The following SFMBT2 variants were observed in gnomAD, a reference collection of about 807,000 sequenced individuals.
SFMBT2 encodes the protein scm-like with four MBT domains protein 2.
SFMBT2 carries 38 observed loss-of-function variants against 110.1 expected under a neutral mutation model. That is an observed-to-expected ratio of 0.35 (90% CI 0.27 to 0.45). The LOEUF is 0.45. SFMBT2 is among the 20% of genes least tolerant of loss of function. The probability of loss-of-function intolerance (pLI) is 1.00; values close to 1 mark genes in which losing one functional copy is unlikely to be tolerated. For missense variants in SFMBT2, 1,011 were observed against 1,094.9 expected (o/e 0.92, Z 1.08); for synonymous variants, 425 against 425.4 (o/e 1.00, Z 0.01).
At chr10:7,406,202 G>C (rs1846205110) in intron 1 of SFMBT2, among the ~76,000 whole-genome samples, 1 of 151,836 alleles carries the variant, frequency 6.6e-6, no homozygotes, top group Admixed American at 6.6e-5. Context: ...TACTAGAACT[G>C]TAGGTCATTC....
At chr10:7,272,093 G>A (rs188566364) in intron 7 of SFMBT2, among the ~76,000 whole-genome samples, 4 of 152,230 alleles carry the variant, frequency 2.6e-5, no homozygotes, top group African/African-American at 4.8e-5. Flanking sequence ...ACAGGGGAGC[G>A]AGTGAAAAAT....
intron 1 of SFMBT2, among the ~76,000 whole-genome samples, chr10:7,384,645 G>A (rs1045622079): frequency 1.3e-5 from 2 of 152,248 alleles, no homozygotes; most frequent in Non-Finnish European, 1.5e-5. Flanking sequence ...CAGCTGGAGG[G>A]GTTCTAAGAT....
At position 7,367,542 on chromosome 10, in the gene SFMBT2, T is replaced by G. The variant is rs984226182; in HGVS notation, c.436+107A>C. On this transcript the variant is annotated intron_variant, in intron 4 of 20. Coordinates refer to ENST00000397167, the MANE Select transcript of SFMBT2 (RefSeq NM_001387889.1). This position sits in a 1 kb window ranked among gnomAD's most constrained non-coding sequence, Gnocchi z 6.2. ...TGAAAGAACTGTGAGACCTTTGCAC[T>G]AAGACCATTAGGGATTCTACGCAAG... 6.7e-7 allele frequency: 1 copy of G among 1,495,410 alleles called. No homozygotes were observed. Among genetic ancestry groups the G allele is most frequent in the African/African-American group, 1.4e-5 (1 of 71,870 alleles). The allele number at this position is 1,495,410 out of a possible 1,614,324, so 92.6% of individuals were successfully genotyped here.
At chr10:7,262,225 G>GT (rs1269567662) in intron 7 of SFMBT2, among the ~76,000 whole-genome samples, 1 of 151,126 alleles carries the variant, frequency 6.6e-6, no homozygotes, top group Non-Finnish European at 1.5e-5. Context: ...AGGATTGGTG[G>GT]TTTTTTAATG....
In SFMBT2 at chr10:7,163,079, G is replaced by T; in HGVS notation, c.*691C>A. 6.4e-6 allele frequency: 1 copy of T among 156,540 alleles called. No individual in the cohort carries two copies. Among genetic ancestry groups the T allele is most frequent in the South Asian group, 2.0e-4 (1 of 5,068 alleles). 9.7% of individuals were successfully genotyped at this position (156,540 alleles called of 1,614,324 possible). A position where few individuals can be genotyped will look rare whatever the true frequency, so the allele number is the denominator to read the frequency against. On this transcript the variant is annotated 3_prime_UTR_variant, in exon 21 of 21. Transcript: ENST00000397167. This position sits in a 1 kb window ranked among gnomAD's most constrained non-coding sequence, Gnocchi z 4.8. ...GATTGCGCCACTGCATTACAACCTGGGCGACAGAGCAAGACCCTGTCTCAA... is the reference window on the plus strand; with the variant it reads ...GATTGCGCCACTGCATTACAACCTGTGCGACAGAGCAAGACCCTGTCTCAA...
chr10:7,288,454 C>T (rs962207253), intron 4 of SFMBT2, among the ~76,000 whole-genome samples: 15 of 152,152 alleles, frequency 9.9e-5, no homozygotes, highest in Admixed American at 5.9e-4. Context: ...AAATATTGTA[C>T]GCTCAGCACG....
At chr10:7,221,140 A>G (rs1839720310) in intron 10 of SFMBT2, among the ~76,000 whole-genome samples, 1 of 151,904 alleles carries the variant, frequency 6.6e-6, no homozygotes, top group Non-Finnish European at 1.5e-5. Context: ...CCTTCCTTCT[A>G]TGGGATCACT....
chr10:7,172,389 T>C lies in SFMBT2; in HGVS notation c.2151+106A>G, dbSNP rs1837907226. On this transcript the variant is annotated intron_variant, in intron 18 of 20. Coordinates refer to ENST00000397167, the MANE Select transcript of SFMBT2 (RefSeq NM_001387889.1). The surrounding 1 kb of genome is among the most constrained non-coding windows in gnomAD (Gnocchi z 4.6). ...GGCTCTTCTTCAGTGTTTCTGACCA[T>C]CTTGCCACAATCTCCAGGGCCACCT... is the stretch of plus-strand genomic sequence containing the variant. 2 of 1,568,106 alleles carry C rather than the reference T, an allele frequency of 1.3e-6. No individual in the cohort carries two copies. The highest frequency in any genetic ancestry group is 1.7e-6 in the Non-Finnish European group (2 of 1,159,194).
chr10:7,290,261 C>CAAAA (rs200965592), intron 4 of SFMBT2, among the ~76,000 whole-genome samples: 1 of 110,922 alleles, frequency 9.0e-6, no homozygotes, highest in African/African-American at 3.0e-5. Flanking sequence ...TCATAAGAAA[C>CAAAA]AAAAAAAAAA....
At chr10:7,263,828 T>TCCTTACC (rs1415213932) in intron 7 of SFMBT2, among the ~76,000 whole-genome samples, 1 of 152,184 alleles carries the variant, frequency 6.6e-6, no homozygotes, top group East Asian at 1.9e-4. Context: ...GCCCGCGTCT[T>TCCTTACC]CCTTACCCCT....
At chr10:7,373,170 G>A (rs751554957) in intron 2 of SFMBT2, among the ~76,000 whole-genome samples, 9 of 152,130 alleles carry the variant, frequency 5.9e-5, no homozygotes, top group Non-Finnish European at 1.2e-4. Context: ...TCTGGCTCTT[G>A]AAGGAATGGA....
At chr10:7,346,969 G>A (rs952777335) in intron 4 of SFMBT2, among the ~76,000 whole-genome samples, 4 of 151,544 alleles carry the variant, frequency 2.6e-5, no homozygotes, top group South Asian at 2.1e-4. Flanking sequence ...CAGCCTGGGC[G>A]ACAAAACCAG....
rs979098513 is a variant in SFMBT2 at position 7,197,484 on chromosome 10, T to G, written c.1698+64A>C. On this transcript the variant is annotated intron_variant, in intron 15 of 20. Transcript: ENST00000397167. ...AATGCCTATTCCCTCCTTCAGAAAC[T>G]GAGCCCACAGCTTTTTAAAAAATCC... The G allele has an allele frequency of 3.2e-6, 5 of 1,577,702 alleles. No individual in the cohort carries two copies. In the African/African-American group the frequency reaches 5.4e-5, roughly 17 times the overall value.
intron 4 of SFMBT2, among the ~76,000 whole-genome samples, chr10:7,322,717 G>A (rs1843234735): frequency 6.6e-6 from 1 of 152,062 alleles, no homozygotes; most frequent in South Asian, 2.1e-4. Context: ...ATGGACAAAG[G>A]AAACCCTCAT....
chr10:7,310,236 CCGACAAGGACA>C (rs1439394517), intron 4 of SFMBT2, among the ~76,000 whole-genome samples: 2 of 152,204 alleles, frequency 1.3e-5, no homozygotes, highest in African/African-American at 2.4e-5. Flanking sequence ...AAAGACCTCT[CCGACAAGGACA>C]CATCATGCTG....
At chr10:7,314,690 C>T (rs1189595570) in intron 4 of SFMBT2, among the ~76,000 whole-genome samples, 1 of 151,990 alleles carries the variant, frequency 6.6e-6, no homozygotes, top group African/African-American at 2.4e-5. Flanking sequence ...GGGGAGTCAC[C>T]TGAGGTCAGG....
At chr10:7,384,153 G>A (rs1481703056) in intron 1 of SFMBT2, among the ~76,000 whole-genome samples, 1 of 136,374 alleles carries the variant, frequency 7.3e-6, no homozygotes, top group Non-Finnish European at 1.5e-5. Context: ...GGAGGTTGTG[G>A]TGAGCTGAGA....
chr10:7,243,243 T>C (rs970583985), intron 9 of SFMBT2, among the ~76,000 whole-genome samples: 7 of 152,206 alleles, frequency 4.6e-5, no homozygotes. Flanking sequence ...TCTCAGACAC[T>C]TTCAAGTCTT....
chr10:7,224,597 G>A (rs1274183973), intron 10 of SFMBT2, among the ~76,000 whole-genome samples: 1 of 152,082 alleles, frequency 6.6e-6, no homozygotes, highest in Non-Finnish European at 1.5e-5. Context: ...CTGTTCTCCT[G>A]CCTCCTTTTG....
Sources: gnomAD v4.1 joint callset for allele counts (sites outside exome capture counted in the v4.1 genomes callset) on GRCh38, gnomAD v4.1.1 for gene constraint, Gnocchi (gnomAD v3.1) non-coding constraint, MANE v1.5 for transcripts, NCBI Gene and HGNC (gene_info 2026-07-23, HGNC 2026-07-21) for gene names.